The following KBTBD8 variants were observed in gnomAD, a reference collection of about 807,000 sequenced individuals.
The protein encoded by KBTBD8 is kelch repeat and BTB domain containing 8.
Under a neutral mutation model 53.5 loss-of-function variants are expected in KBTBD8, and 31 were observed. The observed-to-expected ratio is 0.58, with a 90% CI of 0.44 to 0.78. The LOEUF (loss-of-function observed/expected upper bound fraction) is 0.78. KBTBD8 is among the 30% of genes least tolerant of loss of function. The pLI is 0.00. For synonymous variants in KBTBD8, 250 were observed against 247.3 expected (o/e 1.01, Z -0.10); for missense variants, 642 against 735.8 (o/e 0.87, Z 1.48).
intron 2 of KBTBD8, among the ~76,000 whole-genome samples, chr3:67,002,650 G>A (rs1322258430): frequency 1.1e-4 from 16 of 150,876 alleles, no homozygotes; most frequent in Non-Finnish European, 1.8e-4. Flanking sequence ...TTACAGGGAT[G>A]TGCCACCACG....
rs1702099807 is a variant in KBTBD8 at position 67,009,563 on chromosome 3, T to G, written c.*1178T>G. ...TTTCCATTTTTGCACTTAACAGTGA[T>G]GAATACTTTTACGTTGGAATCCTCC... On this transcript the variant is annotated 3_prime_UTR_variant, in exon 4 of 4. Coordinates refer to ENST00000417314, the MANE Select transcript of KBTBD8 (RefSeq NM_032505.3). 2.0e-5 allele frequency: 3 copies of G among 152,562 alleles called. No individual in the cohort carries two copies. The highest frequency in any genetic ancestry group is 7.2e-5 in the African/African-American group (3 of 41,440). The allele number at this position is 152,562 out of a possible 1,614,324, so 9.5% of individuals were successfully genotyped here. A position where few individuals can be genotyped will look rare whatever the true frequency, so the allele number is the denominator to read the frequency against.
chr3:67,001,808 C>T (rs1702021178), intron 2 of KBTBD8, among the ~76,000 whole-genome samples: 1 of 152,188 alleles, frequency 6.6e-6, no homozygotes, highest in Non-Finnish European at 1.5e-5. Flanking sequence ...CAGTGTTTCT[C>T]ATACTGCATT....
chr3:67,007,302 A>G (rs1326931275), intron 3 of KBTBD8, among the ~76,000 whole-genome samples: 1 of 151,262 alleles, frequency 6.6e-6, no homozygotes, highest in Non-Finnish European at 1.5e-5. Flanking sequence ...GGATAGAGCA[A>G]ATAGAATCAA....
intron 3 of KBTBD8, among the ~76,000 whole-genome samples, chr3:67,005,285 G>C (rs1403826096): frequency 6.6e-6 from 1 of 152,188 alleles, no homozygotes; most frequent in Non-Finnish European, 1.5e-5. Flanking sequence ...AAGATATACA[G>C]TCATGTGCCA....
chr3:67,001,699 A>G (rs1036809814), intron 2 of KBTBD8, among the ~76,000 whole-genome samples: 1 of 152,208 alleles, frequency 6.6e-6, no homozygotes, highest in African/African-American at 2.4e-5. Flanking sequence ...TTAGTCATCA[A>G]AAAAGCCAGT....
intron 3 of KBTBD8, among the ~76,000 whole-genome samples, chr3:67,004,912 C>T (rs1702051538): frequency 6.6e-6 from 1 of 152,108 alleles, no homozygotes; most frequent in African/African-American, 2.4e-5. Context: ...AATACATTTT[C>T]AATTTTTTTC....
chr3:66,998,882 G>C (rs982261960), intron 1 of KBTBD8, 99 bp from the exon 2 acceptor site: 2 of 891,926 alleles, frequency 2.2e-6, no homozygotes, highest in African/African-American at 3.3e-5. Context: ...TATCTTGTAG[G>C]GGGAAAAAGC....
At position 66,999,047 on chromosome 3, in the gene KBTBD8, A is replaced by G; in HGVS notation, c.83A>G (p.Asp28Gly). The G allele has an allele frequency of 6.2e-7, 1 of 1,614,054 alleles. No homozygotes were observed. The highest frequency in any genetic ancestry group is 8.5e-7 in the Non-Finnish European group (1 of 1,179,988). Residue 28 changes from aspartate (D) to glycine (G), a missense_variant, in exon 2 of 4, where the codon GAC (aspartate) becomes GGC (glycine). By Grantham distance (94) the Asp-to-Gly change is moderately conservative. Transcript: ENST00000417314. ...PSSDPASDAM[D>G]PFHACSILKQ... ...TCAGACCCAGCCAGCGATGCCATGG[A>G]CCCCTTCCATGCTTGCAGTATTCTT...
chr3:66,998,551 G>A (rs1392593740), intron 1 of KBTBD8, among the ~76,000 whole-genome samples, 180 bp downstream of exon 1: 1 of 152,128 alleles, frequency 6.6e-6, no homozygotes, highest in African/African-American at 2.4e-5. Flanking sequence ...GGTCCGGCGG[G>A]ACCGGGATGG....
intron 3 of KBTBD8, among the ~76,000 whole-genome samples, chr3:67,005,485 T>G (rs1656590528): frequency 6.6e-6 from 1 of 152,208 alleles, no homozygotes; most frequent in Non-Finnish European, 1.5e-5. Flanking sequence ...AGGTGTGTAG[T>G]AAGCTCCCAT....
At chr3:67,004,564 T>C (rs1388692865) in intron 3 of KBTBD8, among the ~76,000 whole-genome samples, 2 of 152,250 alleles carry the variant, frequency 1.3e-5, no homozygotes, top group African/African-American at 4.8e-5. Context: ...TCATGTAGAA[T>C]AACTATTTTT....
intron 3 of KBTBD8, among the ~76,000 whole-genome samples, chr3:67,005,997 C>T (rs1442048998): frequency 1.3e-5 from 2 of 152,132 alleles, no homozygotes; most frequent in East Asian, 1.9e-4. Flanking sequence ...TATCTGAGCT[C>T]ATTTGTTTAA....
intron 2 of KBTBD8, 73 bp from the exon 3 acceptor site, chr3:67,003,122 T>C: frequency 1.4e-6 from 2 of 1,428,236 alleles, no homozygotes; most frequent in East Asian, 2.3e-5. Flanking sequence ...GGTAACTTTG[T>C]ACTTTTAAAA....
intron 2 of KBTBD8, among the ~76,000 whole-genome samples, chr3:67,001,106 G>GT (rs1269085325): frequency 6.6e-6 from 1 of 152,038 alleles, no homozygotes; most frequent in Non-Finnish European, 1.5e-5. Context: ...TTTAAAAGGA[G>GT]TAAAAAATAC....
At position 67,004,215 on chromosome 3, in the gene KBTBD8, T is replaced by C; in HGVS notation, c.1248T>C (p.Ser416=). The change falls in exon 3 of 4, where the codon AGT becomes AGC. Residue 416 remains serine (S), a synonymous_variant. Coordinates refer to ENST00000417314, the MANE Select transcript of KBTBD8 (RefSeq NM_032505.3). ...TAAAATCTGTTGAGTGCTACGACAGTAGAGAGAATTGTTGGACGACTGTTT... is the reference window on the plus strand; with the variant it reads ...TAAAATCTGTTGAGTGCTACGACAGCAGAGAGAATTGTTGGACGACTGTTT... ...NSLKSVECYD[S]RENCWTTVCA... is the part of the protein sequence containing the mutation. 1.9e-6 allele frequency: 3 copies of C among 1,614,130 alleles called. No homozygotes were observed. The highest frequency in any genetic ancestry group is 2.5e-6 in the Non-Finnish European group (3 of 1,180,014).
rs145362033 is a variant in KBTBD8, at chr3:67,008,345, T to C, written c.1766T>C (p.Val589Ala). ...WDLGRHFECA[V>A]AKLYPQCLQK... ...CTTGGCCGGCATTTTGAATGTGCTG[T>C]TGCTAAACTGTATCCTCAGTGTCTT... is the stretch of plus-strand genomic sequence containing the variant. Residue 589 changes from valine (V) to alanine (A), a missense_variant, in exon 4 of 4, where the codon GTT becomes GCT. Physicochemically the swap from Val to Ala is moderately conservative, Grantham distance 64 (BLOSUM62 0). Coordinates refer to ENST00000417314, the MANE Select transcript of KBTBD8 (RefSeq NM_032505.3). The C allele has an allele frequency of 1.8e-3, 2,879 of 1,613,214 alleles. 9 individuals are homozygous for C. Among genetic ancestry groups the C allele is most frequent in the Non-Finnish European group, 2.3e-3 (2,754 of 1,179,688 alleles).
intron 3 of KBTBD8, among the ~76,000 whole-genome samples, chr3:67,006,433 G>T (rs987766818): frequency 6.6e-6 from 1 of 152,122 alleles, no homozygotes; most frequent in South Asian, 2.1e-4. Flanking sequence ...TTTTATTAAA[G>T]AGTACTTTAG....
chr3:67,010,782 A>C lies in KBTBD8; in HGVS notation c.*2397A>C, dbSNP rs988484492. The C allele has an allele frequency of 6.6e-6, 1 of 152,648 alleles. No homozygotes were observed. The highest frequency in any genetic ancestry group is 1.5e-5 in the Non-Finnish European group (1 of 68,034). 9.5% of individuals were successfully genotyped at this position (152,648 alleles called of 1,614,324 possible). A position where few individuals can be genotyped will look rare whatever the true frequency, so the allele number is the denominator to read the frequency against. ...GGCACAATGGGTACTACAGAATTAA[A>C]ATGTAGGTCTAACATAATGCCAGTT... On this transcript the variant is annotated 3_prime_UTR_variant, in exon 4 of 4. Coordinates refer to ENST00000417314, the MANE Select transcript of KBTBD8 (RefSeq NM_032505.3).
rs930878137 is a variant in KBTBD8 at position 67,010,873 on chromosome 3, T to C, written c.*2488T>C. The C allele has an allele frequency of 4.6e-5, 7 of 152,666 alleles. No homozygotes were observed. Among genetic ancestry groups the C allele is most frequent in the Admixed American group, 1.3e-4 (2 of 15,286 alleles). The allele number at this position is 152,666 out of a possible 1,614,324, so 9.5% of individuals were successfully genotyped here. ...CACTTTCCTATATATTTGTCACACATTGAAAACTGGACTGGGTATAACTAT... is the reference window on the plus strand; with the variant it reads ...CACTTTCCTATATATTTGTCACACACTGAAAACTGGACTGGGTATAACTAT... On this transcript the variant is annotated 3_prime_UTR_variant, in exon 4 of 4. Transcript: ENST00000417314.
Sources: allele counts gnomAD v4.1 joint callset (sites outside exome capture counted in the v4.1 genomes callset), GRCh38; gene constraint gnomAD v4.1.1; transcripts MANE v1.5; gene names NCBI Gene and HGNC (gene_info 2026-07-23, HGNC 2026-07-21).